The following PUS7L variants were observed in gnomAD, a reference collection of about 807,000 sequenced individuals.
The protein encoded by PUS7L is pseudouridine synthase 7 like, also known as pseudouridylate synthase PUS7L.
PUS7L carries 49 observed loss-of-function variants against 51.1 expected under a neutral mutation model. The observed-to-expected ratio is 0.96, with a 90% confidence interval of 0.76 to 1.22. The LOEUF (loss-of-function observed/expected upper bound fraction) is 1.22. Ranked by LOEUF, PUS7L falls within the 50% of genes most tolerant of loss-of-function variation. PUS7L has a pLI of 0.00. For missense variants in PUS7L, 828 were observed against 820.6 expected (o/e 1.01, Z -0.11); for synonymous variants, 277 against 276.2 (o/e 1.00, Z -0.03).
rs1042040480 is a variant in PUS7L, at chr12:43,728,233, A to C, written c.*2143T>G. ...ATTGGCATATAAAATAATATTCCAC[A>C]TGAATGATATCTCAATACATTTTAT... On this transcript the variant is annotated 3_prime_UTR_variant, in exon 9 of 9. Coordinates refer to ENST00000344862, the MANE Select transcript of PUS7L (RefSeq NM_031292.5). 2.6e-5 allele frequency: 4 copies of C among 152,170 alleles called. No homozygotes were observed. Among genetic ancestry groups the C allele is most frequent in the Non-Finnish European group, 5.9e-5 (4 of 67,998 alleles). The allele number at this position is 152,170 out of a possible 1,614,324, so 9.4% of individuals were successfully genotyped here.
At chr12:43,751,609 T>A (rs1408880492) in intron 2 of PUS7L, among the ~76,000 whole-genome samples, 1 of 152,200 alleles carries the variant, frequency 6.6e-6, no homozygotes, top group African/African-American at 2.4e-5. Context: ...GTTGGACATT[T>A]GGGTTGGTTC....
At chr12:43,758,654 A>ACT in intron 1 of PUS7L, 76 bp downstream of exon 1, 2 of 462,058 alleles carry the variant, frequency 4.3e-6, no homozygotes, top group South Asian at 2.3e-4. Context: ...CAACCTCGTC[A>ACT]CCCCCCCCCC....
Position 43,736,608 on chromosome 12 carries a change from C to A in PUS7L, c.1498G>T (p.Ala500Ser), listed in dbSNP as rs753175017. Residue 500 changes from alanine to serine, a missense_variant, in exon 7 of 9, where the codon GCA becomes TCA. Coordinates refer to ENST00000344862, the MANE Select transcript of PUS7L (RefSeq NM_031292.5). ...AAGCGGTGCAATGCCTCCAACAATG[C>A]TCTCTCACGCACTTTGAATTCAGGC... ...LMPEFKVRER[A>S]LLEALHRFGM... 6.2e-7 allele frequency: 1 copy of A among 1,614,052 alleles called. No individual in the cohort carries two copies. The highest frequency in any genetic ancestry group is 8.5e-7 in the Non-Finnish European group (1 of 1,180,014).
In PUS7L at chr12:43,746,150, G is replaced by A; in HGVS notation, c.1159C>T (p.Leu387Phe). The A allele has an allele frequency of 6.6e-7, 1 of 1,521,478 alleles. No individual in the cohort carries two copies. 94.2% of individuals were successfully genotyped at this position (1,521,478 alleles called of 1,614,324 possible). The change falls in exon 4 of 9, where the codon CTC becomes TTC. Residue 387 changes from leucine (L) to phenylalanine (F), a missense_variant. Leu to Phe is a conservative substitution (Grantham distance 22). Transcript: ENST00000344862. ...SVDDSLRLGQ[L>F]KGNHFDIVIR... is the part of the protein sequence containing the mutation. ...ACAATATCAAAGTGATTTCCTTTGA[G>A]CTGACCAAGTCTCAGGGAATCATCT...
intron 4 of PUS7L, among the ~76,000 whole-genome samples, chr12:43,743,673 G>C (rs1938018131): frequency 1.3e-5 from 2 of 152,204 alleles, no homozygotes; most frequent in South Asian, 4.2e-4. Context: ...TGGGGCAGGA[G>C]AATGGCGTGA....
At position 43,743,088 on chromosome 12, in the gene PUS7L, G is replaced by A. The variant is rs1409567420; in HGVS notation, c.1264-533C>T. On this transcript the variant is annotated intron_variant, in intron 4 of 8. Coordinates refer to ENST00000344862, the MANE Select transcript of PUS7L (RefSeq NM_031292.5). Reference sequence around the variant, plus strand: ...GGAGCCACTTCAGCAGTACTCTACCGGTCCAGCTATTCCAGCACCTGGAAC... The same window carrying A: ...GGAGCCACTTCAGCAGTACTCTACCAGTCCAGCTATTCCAGCACCTGGAAC... Among the ~76,000 whole-genome samples the A allele has an allele frequency of 3.3e-5, 5 of 152,078 alleles. No individual in the cohort carries two copies. The South Asian group carries it at 8.3e-4, about 25-fold the overall frequency.
Position 43,728,244 on chromosome 12 carries a change from C to G in PUS7L, c.*2132G>C, listed in dbSNP as rs1738291048. On this transcript the variant is annotated 3_prime_UTR_variant, in exon 9 of 9. Transcript: ENST00000344862. ...AAATAATATTCCACATGAATGATAT[C>G]TCAATACATTTTATGGTGATGAAAT... is the stretch of plus-strand genomic sequence containing the variant. The G allele has an allele frequency of 6.6e-6, 1 of 152,064 alleles. No individual in the cohort carries two copies. The highest frequency in any genetic ancestry group is 2.4e-5 in the African/African-American group (1 of 41,406). 9.4% of individuals were successfully genotyped at this position (152,064 alleles called of 1,614,324 possible). A position where few individuals can be genotyped will look rare whatever the true frequency, so the allele number is the denominator to read the frequency against.
Position 43,722,051 on chromosome 12 carries a change from A to G in PUS7L, c.*8325T>C, listed in dbSNP as rs755779708. On this transcript the variant is annotated 3_prime_UTR_variant, in exon 9 of 9. Coordinates refer to ENST00000344862, the MANE Select transcript of PUS7L (RefSeq NM_031292.5). The stretch of plus-strand genomic sequence containing the variant: ...CAACTCTAAGAGTATCTCATTATAC[A>G]TGTACAAATATTCCAAAATCCAAAC... 2 of 152,194 alleles carry G rather than the reference A, an allele frequency of 1.3e-5. No individual in the cohort carries two copies. The highest frequency in any genetic ancestry group is 2.9e-5 in the Non-Finnish European group (2 of 68,010). 9.4% of individuals were successfully genotyped at this position (152,194 alleles called of 1,614,324 possible).
intron 2 of PUS7L, among the ~76,000 whole-genome samples, chr12:43,751,186 TA>T (rs1938422413): frequency 6.7e-6 from 1 of 150,060 alleles, no homozygotes; most frequent in African/African-American, 2.5e-5. Flanking sequence ...TTTATTTATT[TA>T]TTTTTAATTT....
chr12:43,748,299 A>G (rs1476789882), intron 3 of PUS7L, 151 bp downstream of exon 3: 2 of 495,908 alleles, frequency 4.0e-6, no homozygotes, highest in East Asian at 6.3e-5. Flanking sequence ...AAGGCATAAT[A>G]TAATTAATTA....
At position 43,724,517 on chromosome 12, in the gene PUS7L, A is replaced by C. The variant is rs917174992; in HGVS notation, c.*5859T>G. The C allele has an allele frequency of 6.6e-6, 1 of 152,132 alleles. No homozygotes were observed. The highest frequency in any genetic ancestry group is 2.4e-5 in the African/African-American group (1 of 41,454). The allele number at this position is 152,132 out of a possible 1,614,324, so 9.4% of individuals were successfully genotyped here. A position where few individuals can be genotyped will look rare whatever the true frequency, so the allele number is the denominator to read the frequency against. On this transcript the variant is annotated 3_prime_UTR_variant, in exon 9 of 9. Transcript: ENST00000344862. ...TTCATAAGACTTGCTAAAATCAACT[A>C]TCAGTAAAATTTTAAGATATAGCAT...
chr12:43,730,177 C>T lies in PUS7L; in HGVS notation c.*199G>A. 2 of 546,320 alleles carry T rather than the reference C, an allele frequency of 3.7e-6. No individual in the cohort carries two copies. The highest frequency in any genetic ancestry group is 6.5e-6 in the Non-Finnish European group (2 of 307,088). 33.8% of individuals were successfully genotyped at this position (546,320 alleles called of 1,614,324 possible). A position where few individuals can be genotyped will look rare whatever the true frequency, so the allele number is the denominator to read the frequency against. On this transcript the variant is annotated 3_prime_UTR_variant, in exon 9 of 9. Transcript: ENST00000344862. The stretch of plus-strand genomic sequence containing the variant: ...AAAAAAAACACAGGCTTTGGGGTCA[C>T]ATGGACCTTAAATTTGGACCCTGAC...
At chr12:43,749,087 T>C (rs2137737126) in intron 2 of PUS7L, among the ~76,000 whole-genome samples, 1 of 152,350 alleles carries the variant, frequency 6.6e-6, no homozygotes, top group East Asian at 1.9e-4. Flanking sequence ...ATTTTTAAAC[T>C]GCTGGTTGGC....
At chr12:43,737,556 A>G (rs1350849361) in intron 6 of PUS7L, among the ~76,000 whole-genome samples, 2 of 150,998 alleles carry the variant, frequency 1.3e-5, no homozygotes, top group African/African-American at 4.8e-5. Context: ...TGCTGTTTTT[A>G]TTATTTAAAT....
chr12:43,750,680 T>A (rs1353122159), intron 2 of PUS7L, among the ~76,000 whole-genome samples: 1 of 152,080 alleles, frequency 6.6e-6, no homozygotes, highest in Non-Finnish European at 1.5e-5. Flanking sequence ...GAAACAGCCA[T>A]CTTTAGAGAC....
At chr12:43,740,219 T>G (rs1181949991) in intron 5 of PUS7L, among the ~76,000 whole-genome samples, 3 of 152,214 alleles carry the variant, frequency 2.0e-5, no homozygotes, top group Non-Finnish European at 4.4e-5. Flanking sequence ...TGGGATTTAT[T>G]TCTAAAGCAC....
In PUS7L at chr12:43,736,410, T is replaced by C. The variant is rs755626456; in HGVS notation, c.1696A>G (p.Ile566Val). The change falls in exon 7 of 9, where the codon ATT (isoleucine) becomes GTT (valine). Residue 566 changes from isoleucine (I) to valine (V), a missense_variant. By Grantham distance (29) the Ile-to-Val change is conservative. Coordinates refer to ENST00000344862, the MANE Select transcript of PUS7L (RefSeq NM_031292.5). ...CTATTTGGGAAATTCTCGTCATCAA[T>C]GTCTTCATCCAAACAGACCAAATCA... ...QGDLVCLDED[I>V]DDENFPNSKI... The C allele has an allele frequency of 6.2e-7, 1 of 1,614,152 alleles. No homozygotes were observed. The highest frequency in any genetic ancestry group is 8.5e-7 in the Non-Finnish European group (1 of 1,179,968).
chr12:43,735,677 G>A (rs1053428071), intron 7 of PUS7L, among the ~76,000 whole-genome samples: 1 of 151,786 alleles, frequency 6.6e-6, no homozygotes, highest in Non-Finnish European at 1.5e-5. Flanking sequence ...CATACAGAAA[G>A]GTCTAGAAAG....
chr12:43,737,466 A>T (rs1194433309), intron 6 of PUS7L, among the ~76,000 whole-genome samples: 1 of 151,988 alleles, frequency 6.6e-6, no homozygotes, highest in Non-Finnish European at 1.5e-5. Flanking sequence ...TAAATATTTG[A>T]AAACTGACAT....
Sources: gnomAD v4.1 joint callset for allele counts (sites outside exome capture counted in the v4.1 genomes callset) on GRCh38, gnomAD v4.1.1 for gene constraint, MANE v1.5 for transcripts, NCBI Gene and HGNC (gene_info 2026-07-23, HGNC 2026-07-21) for gene names.